The following SCGN variants were observed in gnomAD, a reference collection of about 807,000 sequenced individuals.
The protein encoded by SCGN is secretagogin, EF-hand calcium binding protein.
SCGN carries 30 observed loss-of-function variants against 39.7 expected under a neutral mutation model. The observed-to-expected ratio is 0.76, with a 90% CI of 0.57 to 1.03. SCGN has a LOEUF of 1.03. Ranked by LOEUF, SCGN falls within the 50% of genes least tolerant of loss-of-function variation. The pLI, the probability that SCGN is intolerant of heterozygous loss-of-function variation, is 0.00. For synonymous variants in SCGN, 106 were observed against 114.1 expected (o/e 0.93, Z 0.45); for missense variants, 353 against 349.4 (o/e 1.01, Z -0.08).
chr6:25,698,875 T>G (rs1759870708), intron 10 of SCGN, among the ~76,000 whole-genome samples: 1 of 152,194 alleles, frequency 6.6e-6, no homozygotes, highest in South Asian at 2.1e-4. Flanking sequence ...GCTCCCAATT[T>G]CTGTTGCTCT....
intron 10 of SCGN, among the ~76,000 whole-genome samples, chr6:25,694,868 C>G (rs1290268402): frequency 6.6e-6 from 1 of 152,066 alleles, no homozygotes; most frequent in South Asian, 2.1e-4. Flanking sequence ...TGACTTTTCT[C>G]TTTATTTTCA....
At chr6:25,689,282 A>T in intron 8 of SCGN, 65 bp downstream of exon 8, 2 of 1,311,088 alleles carry the variant, frequency 1.5e-6, no homozygotes, top group South Asian at 1.3e-5. Context: ...TTTGAGCAGG[A>T]AAGAAGAAAG....
At chr6:25,662,658 G>A (rs988864835) in intron 3 of SCGN, among the ~76,000 whole-genome samples, 19 of 152,194 alleles carry the variant, frequency 1.2e-4, no homozygotes, top group East Asian at 1.9e-4. Context: ...AAAAGTGGGC[G>A]TGTTCACCAG....
chr6:25,699,218 T>C (rs796543224), intron 10 of SCGN, among the ~76,000 whole-genome samples: 4 of 152,284 alleles, frequency 2.6e-5, no homozygotes, highest in African/African-American at 9.6e-5. Flanking sequence ...TCTCTGTACA[T>C]TGACTTTTAA....
At chr6:25,696,735 T>C (rs1759843017) in intron 10 of SCGN, among the ~76,000 whole-genome samples, 1 of 152,200 alleles carries the variant, frequency 6.6e-6, no homozygotes, top group Non-Finnish European at 1.5e-5. Flanking sequence ...AAACCTGACT[T>C]TTCTTCCCCT....
At chr6:25,688,778 GGCGACAGAGAGAGATTCT>G (rs1759737162) in intron 7 of SCGN, among the ~76,000 whole-genome samples, 1 of 132,808 alleles carries the variant, frequency 7.5e-6, no homozygotes, top group Non-Finnish European at 1.6e-5. Context: ...CTCCAGCCTG[GGCGACAGAGAGAGATTCT>G]GTCTCAAAAA....
intron 7 of SCGN, among the ~76,000 whole-genome samples, chr6:25,684,152 G>C (rs1759673003): frequency 6.6e-6 from 1 of 151,978 alleles, no homozygotes; most frequent in African/African-American, 2.4e-5. Flanking sequence ...GGTTTGCTAT[G>C]GTCCTGCTGG....
At chr6:25,695,364 T>G (rs1048629458) in intron 10 of SCGN, among the ~76,000 whole-genome samples, 8 of 152,312 alleles carry the variant, frequency 5.3e-5, no homozygotes, top group Admixed American at 5.2e-4. Context: ...ATCCATCACC[T>G]GCAAACATTT....
rs200986563 is a variant in SCGN at position 25,670,009 on chromosome 6, G to C, written c.404G>C (p.Arg135Pro). The change falls in exon 6 of 11, where the codon CGA becomes CCA. Residue 135 changes from arginine (R) to proline (P), a missense_variant. Physicochemically the swap from Arg to Pro is moderately radical, Grantham distance 103 (BLOSUM62 -2). Coordinates refer to ENST00000377961, the MANE Select transcript of SCGN (RefSeq NM_006998.4). Reference protein sequence around the residue: ...ISAAELRNFLRDLFLHHKKAI... With the variant: ...ISAAELRNFLPDLFLHHKKAI... ...CTCTTGGCGCCACAGAACTTCCTCC[G>C]AGACCTCTTTCTTCACCACAAAAAG... The C allele has an allele frequency of 3.5e-5, 57 of 1,613,192 alleles. No individual in the cohort carries two copies. Among genetic ancestry groups the C allele is most frequent in the Admixed American group, 2.5e-4 (15 of 59,960 alleles).
In SCGN at chr6:25,681,987, G is replaced by C; in HGVS notation, c.508G>C (p.Asp170His). 1.2e-6 allele frequency: 2 copies of C among 1,613,366 alleles called. No individual in the cohort carries two copies. Among genetic ancestry groups the C allele is most frequent in the Non-Finnish European group, 1.7e-6 (2 of 1,179,358 alleles). ...TGACAGAAATAAAGATGGTCGGTTG[G>C]ATCTAAATGACTTAGCAAGGTGAGT... ...IFDRNKDGRL[D>H]LNDLARILAL... The change falls in exon 7 of 11, where the codon GAT becomes CAT. Residue 170 changes from aspartate (D) to histidine (H), a missense_variant. Asp to His is a moderately conservative substitution (Grantham distance 81). Coordinates refer to ENST00000377961, the MANE Select transcript of SCGN (RefSeq NM_006998.4).
intron 7 of SCGN, among the ~76,000 whole-genome samples, chr6:25,683,249 G>C (rs902279037): frequency 1.3e-5 from 2 of 152,188 alleles, no homozygotes; most frequent in African/African-American, 4.8e-5. Flanking sequence ...ATGGAGGCAG[G>C]GTTCCTCTCA....
intron 10 of SCGN, among the ~76,000 whole-genome samples, chr6:25,694,687 C>A (rs997120581): frequency 6.6e-6 from 1 of 152,184 alleles, no homozygotes; most frequent in African/African-American, 2.4e-5. Flanking sequence ...TGTTCTCCTC[C>A]GAAAATTGAA....
At chr6:25,674,587 G>A (rs937246577) in intron 6 of SCGN, among the ~76,000 whole-genome samples, 4 of 152,206 alleles carry the variant, frequency 2.6e-5, no homozygotes, top group African/African-American at 9.6e-5. Context: ...TAAAGATTTT[G>A]TTCTCAGGTT....
At chr6:25,682,091 AGATCAAGCC>A in intron 7 of SCGN, 85 bp downstream of exon 7, 2 of 1,009,918 alleles carry the variant, frequency 2.0e-6, no homozygotes, top group Non-Finnish European at 3.1e-6. Flanking sequence ...TTGAGACTGG[AGATCAAGCC>A]TCACCTGGAG....
intron 10 of SCGN, among the ~76,000 whole-genome samples, chr6:25,699,254 C>A (rs1050649203): frequency 6.6e-6 from 1 of 152,062 alleles, no homozygotes; most frequent in African/African-American, 2.4e-5. Context: ...CAGAAGTTTT[C>A]TGAAAAGGAA....
At chr6:25,664,261 C>A (rs1012772927) in intron 3 of SCGN, among the ~76,000 whole-genome samples, 1 of 152,190 alleles carries the variant, frequency 6.6e-6, no homozygotes, top group African/African-American at 2.4e-5. Context: ...ATAGCTAACA[C>A]TCAAGTATCA....
intron 1 of SCGN, 141 bp from the exon 2 acceptor site, chr6:25,653,241 G>T: frequency 1.6e-6 from 1 of 623,256 alleles, no homozygotes; most frequent in South Asian, 2.0e-5. Context: ...AGAGGTAGGT[G>T]TTGGCACTTT....
intron 2 of SCGN, among the ~76,000 whole-genome samples, chr6:25,660,380 C>T (rs1485217291): frequency 6.6e-6 from 1 of 152,182 alleles, no homozygotes; most frequent in Non-Finnish European, 1.5e-5. Flanking sequence ...GGGCAAAGAC[C>T]AGGTCTCTTT....
At chr6:25,697,364 T>C (rs1759852364) in intron 10 of SCGN, among the ~76,000 whole-genome samples, 1 of 152,202 alleles carries the variant, frequency 6.6e-6, no homozygotes, top group Non-Finnish European at 1.5e-5. Context: ...AAGGTTCTGG[T>C]TAATTAAATA....
Sources: allele counts gnomAD v4.1 joint callset (sites outside exome capture counted in the v4.1 genomes callset), GRCh38; gene constraint gnomAD v4.1.1; transcripts MANE v1.5; gene names NCBI Gene and HGNC (gene_info 2026-07-23, HGNC 2026-07-21).